The following PRSS23 variants were observed in gnomAD, a reference collection of about 807,000 sequenced individuals.
PRSS23 encodes the protein protease, serine 23.
PRSS23 carries 25 observed loss-of-function variants against 34.7 expected under a neutral mutation model. The observed-to-expected ratio is 0.72, with a 90% CI of 0.53 to 1.01. PRSS23 has a LOEUF of 1.01. Among genes scored for constraint, PRSS23 ranks in the 50% least tolerant of loss-of-function variants. PRSS23 has a pLI of 0.00. For synonymous variants in PRSS23, 176 were observed against 186.6 expected, an observed-to-expected ratio of 0.94 and a Z score of 0.46; for missense variants, 445 against 475.6, an observed-to-expected ratio of 0.94 and a Z score of 0.60.
At chr11:86,916,516 G>T (rs1307979708) in intron 2 of PRSS23, among the ~76,000 whole-genome samples, 2 of 152,098 alleles carry the variant, frequency 1.3e-5, no homozygotes, top group Non-Finnish European at 2.9e-5. Context: ...TGTCTGGCTG[G>T]GTGTGCCTCA....
At chr11:86,813,902 CT>C (rs1948197354), downstream of PRSS23, among the ~76,000 whole-genome samples, 2 of 152,010 alleles carry the variant, frequency 1.3e-5, no homozygotes, top group Admixed American at 1.3e-4. Context: ...GTGACTTTGA[CT>C]TTGGAAGTAG....
intron 2 of PRSS23, among the ~76,000 whole-genome samples, chr11:86,900,252 G>T (rs1440926010): frequency 6.6e-6 from 1 of 152,172 alleles, no homozygotes; most frequent in Non-Finnish European, 1.5e-5. Flanking sequence ...CTTTGCACTT[G>T]GTTTCAAGGT....
At chr11:86,891,415 T>G (rs1948840264) in intron 2 of PRSS23, among the ~76,000 whole-genome samples, 1 of 152,124 alleles carries the variant, frequency 6.6e-6, no homozygotes, top group African/African-American at 2.4e-5. Flanking sequence ...CCATAAATCA[T>G]CTGGGAAAGG....
intron 2 of PRSS23, among the ~76,000 whole-genome samples, chr11:86,922,621 C>T (rs1302439274): frequency 1.3e-5 from 2 of 152,180 alleles, no homozygotes; most frequent in Non-Finnish European, 2.9e-5. Context: ...TACTTTCCAT[C>T]CCTTGATATC....
chr11:86,890,452 T>C (rs943935344), intron 2 of PRSS23, among the ~76,000 whole-genome samples: 1 of 152,212 alleles, frequency 6.6e-6, no homozygotes, highest in African/African-American at 2.4e-5. Context: ...TTGCTTAAAT[T>C]GTATCCATGT....
At chr11:86,926,914 C>T (rs1949085515) in intron 2 of PRSS23, among the ~76,000 whole-genome samples, 1 of 152,198 alleles carries the variant, frequency 6.6e-6, no homozygotes, top group Non-Finnish European at 1.5e-5. Flanking sequence ...TCCTCCTCTG[C>T]CATAACCTCA....
At chr11:86,798,036 G>A (rs1055700356), upstream of PRSS23, among the ~76,000 whole-genome samples, 4 of 152,156 alleles carry the variant, frequency 2.6e-5, no homozygotes, top group Non-Finnish European at 4.4e-5. Flanking sequence ...TGTAATATGT[G>A]CTCAATATAT....
chr11:86,862,323 A>G (rs1005322940), intron 2 of PRSS23, among the ~76,000 whole-genome samples: 1 of 151,658 alleles, frequency 6.6e-6, no homozygotes, highest in Non-Finnish European at 1.5e-5. Context: ...TATTATTTGT[A>G]TCATTTTTAG....
At chr11:86,933,179 T>C (rs1949137895) in intron 2 of PRSS23, 1 of 152,316 alleles carries the variant, frequency 6.6e-6, no homozygotes, top group Non-Finnish European at 1.5e-5. Flanking sequence ...CAAGGAGCCA[T>C]TGCTGTGGTT....
chr11:86,879,680 G>A (rs1243901460), intron 2 of PRSS23, among the ~76,000 whole-genome samples: 4 of 132,218 alleles, frequency 3.0e-5, no homozygotes, highest in African/African-American at 8.4e-5. Flanking sequence ...AGGTGGGGGG[G>A]TCAGCCCCCC....
intron 2 of PRSS23, among the ~76,000 whole-genome samples, chr11:86,939,962 A>G (rs1428121140): frequency 6.6e-6 from 1 of 152,178 alleles, no homozygotes; most frequent in African/African-American, 2.4e-5. Context: ...AAACTGTGTC[A>G]AGAAACAAAA....
At chr11:86,929,373 T>G (rs1472035971) in intron 2 of PRSS23, among the ~76,000 whole-genome samples, 1 of 150,078 alleles carries the variant, frequency 6.7e-6, no homozygotes, top group Non-Finnish European at 1.5e-5. Flanking sequence ...CCGGGTGTAG[T>G]GGCTCATGCC....
chr11:86,808,495 T>A lies in PRSS23; in HGVS notation c.852T>A (p.Asn284Lys). Residue 284 changes from asparagine to lysine, a missense_variant, in exon 2 of 2, where the codon AAT becomes AAA. Asn to Lys is a moderately conservative substitution (Grantham distance 94). Coordinates refer to ENST00000280258, the MANE Select transcript of PRSS23 (RefSeq NM_007173.6). ...GGRIHFSGYD[N>K]DRPGNLVYRF... ...GAATTCACTTCTCTGGTTATGACAA[T>A]GACCGACCAGGCAATTTGGTGTATC... The A allele has an allele frequency of 1.2e-6, 2 of 1,614,214 alleles. No individual in the cohort carries two copies. The highest frequency in any genetic ancestry group is 1.7e-6 in the Non-Finnish European group (2 of 1,180,032).
Position 86,808,809 on chromosome 11 carries a change from C to A in PRSS23, c.*14C>A. ...AGGGAGGGGTGACACAGTGTTCCCT[C>A]CTGGCAGCAATTAAGGGTCTTCATG... On this transcript the variant is annotated 3_prime_UTR_variant, in exon 2 of 2. Transcript: ENST00000280258. 1 of 1,586,910 alleles carries A rather than the reference C, an allele frequency of 6.3e-7. No individual in the cohort carries two copies. Among genetic ancestry groups the A allele is most frequent in the Non-Finnish European group, 8.6e-7 (1 of 1,165,354 alleles).
At chr11:86,840,292 A>G (rs539583958) in intron 2 of PRSS23, among the ~76,000 whole-genome samples, 1 of 152,288 alleles carries the variant, frequency 6.6e-6, no homozygotes, top group South Asian at 2.1e-4. Context: ...CAAACAAACA[A>G]ACAAAAAAAG....
exon 3 of PRSS23, chr11:86,952,629 A>G (rs986245485): frequency 1.4e-6 from 1 of 698,464 alleles, no homozygotes; most frequent in Non-Finnish European, 2.4e-6. Context: ...ACCTCAAACA[A>G]GGGCGCCTGA....
Position 86,835,741 on chromosome 11 carries a change from G to A in PRSS23, c.206+12148G>A, listed in dbSNP as rs575383505. 1.2e-4 allele frequency among the ~76,000 whole-genome samples: 19 copies of A among 152,292 alleles called. 1 individual carries two copies. The highest frequency in any genetic ancestry group is 3.1e-4 in the African/African-American group (13 of 41,552). On this transcript the variant is annotated intron_variant, in intron 2 of 2. Coordinates refer to the PRSS23 transcript ENST00000533902. ...TTTGGATAATTTTAGCCCTAAGTAC[G>A]TAACCTCCTGTGAGCAGAGCTGAGC...
chr11:86,911,761 AGT>A (rs55775295), intron 2 of PRSS23: 7,502 of 151,278 alleles, frequency 0.05, 188 homozygotes, highest in African/African-American at 0.061. Context: ...AACGAAGTGG[AGT>A]GTGTGTGTGT....
chr11:86,853,242 CTTTT>C (rs561682096), intron 2 of PRSS23, among the ~76,000 whole-genome samples: 627 of 47,330 alleles, frequency 0.013, no homozygotes, highest in East Asian at 0.023. Context: ...AAGTGCCTGC[CTTTT>C]TTTTTTTTTT....
Sources: allele counts gnomAD v4.1 joint callset (sites outside exome capture counted in the v4.1 genomes callset), GRCh38; gene constraint gnomAD v4.1.1; transcripts MANE v1.5; gene names NCBI Gene and HGNC (gene_info 2026-07-23, HGNC 2026-07-21).